The following RIC1 variants were observed in gnomAD, a reference collection of about 807,000 sequenced individuals.
RIC1 encodes the protein guanine nucleotide exchange factor subunit RIC1.
RIC1 carries 88 observed loss-of-function variants against 169.0 expected under a neutral mutation model. The observed-to-expected ratio is 0.52, with a 90% CI of 0.44 to 0.62. The LOEUF is 0.62. Among genes scored for constraint, RIC1 ranks in the 20% least tolerant of loss-of-function variants. The pLI is 0.00. For synonymous variants in RIC1, 790 were observed against 601.5 expected, an observed-to-expected ratio of 1.31 and a Z score of -4.59; for missense variants, 1,877 against 1,725.5, an observed-to-expected ratio of 1.09 and a Z score of -1.56.
intron 14 of RIC1, among the ~76,000 whole-genome samples, chr9:5,754,627 C>T (rs368870266): frequency 1.8e-4 from 28 of 152,134 alleles, no homozygotes; most frequent in African/African-American, 6.7e-4. Flanking sequence ...ACTTGGGAGG[C>T]GGCTGAGACA....
At chr9:5,721,454 A>G (rs1008054468) in intron 6 of RIC1, among the ~76,000 whole-genome samples, 2 of 152,180 alleles carry the variant, frequency 1.3e-5, no homozygotes, top group African/African-American at 4.8e-5. Context: ...ACGCGCGTGC[A>G]CACACACACG....
intron 13 of RIC1, 73 bp from the exon 14 acceptor site, chr9:5,753,463 A>C (rs1310672861): frequency 3.2e-6 from 3 of 944,130 alleles, no homozygotes; most frequent in Non-Finnish European, 4.9e-6. Context: ...TGCCTGACAC[A>C]ATACTAAGCT....
At chr9:5,667,504 C>CTTTT (rs1171999345) in intron 2 of RIC1, among the ~76,000 whole-genome samples, 2 of 131,196 alleles carry the variant, frequency 1.5e-5, no homozygotes, top group South Asian at 2.4e-4. Context: ...CCACCGCCAC[C>CTTTT]TTTTTTTTTT....
chr9:5,661,224 T>C (rs1366567995), intron 2 of RIC1, among the ~76,000 whole-genome samples: 2 of 152,206 alleles, frequency 1.3e-5, no homozygotes, highest in Admixed American at 6.6e-5. Context: ...CCATGCTGTT[T>C]TGGTTACTGT....
chr9:5,763,247 C>G lies in RIC1; in HGVS notation c.2220C>G (p.Ser740Arg), dbSNP rs1472038768. 1 of 1,614,036 alleles carries G rather than the reference C, an allele frequency of 6.2e-7. No homozygotes were observed. The highest frequency in any genetic ancestry group is 8.5e-7 in the Non-Finnish European group (1 of 1,180,026). ...KRHLLEALWL[S>R]CGGAGMKVWL... ...ACCTTCTGGAGGCCCTCTGGCTGAG[C>G]TGTGGTGGTGCAGGGATGAAAGTTT... The change falls in exon 19 of 26, where the codon AGC becomes AGG. Residue 740 changes from serine (S) to arginine (R), a missense_variant. This residue lies in a region of RIC1 where 1,104 missense variants were observed against 992.0 expected (regional missense o/e 1.11). Coordinates refer to ENST00000414202, the MANE Select transcript of RIC1 (RefSeq NM_020829.4). The surrounding 1 kb of genome is among the most constrained non-coding windows in gnomAD (Gnocchi z 5.2).
chr9:5,702,322 C>T (rs1423893620), intron 3 of RIC1, among the ~76,000 whole-genome samples: 2 of 152,026 alleles, frequency 1.3e-5, no homozygotes, highest in East Asian at 1.9e-4. Flanking sequence ...ACACCTAAGA[C>T]TGGGTAATTT....
intron 1 of RIC1, among the ~76,000 whole-genome samples, chr9:5,654,997 T>C (rs555083366): frequency 1.2e-4 from 18 of 152,324 alleles, no homozygotes; most frequent in Admixed American, 1.0e-3. Flanking sequence ...TCTGTCAAAT[T>C]TTCTACATAG....
chr9:5,698,431 C>A (rs758542283), intron 3 of RIC1, among the ~76,000 whole-genome samples: 1 of 152,022 alleles, frequency 6.6e-6, no homozygotes, highest in Non-Finnish European at 1.5e-5. Context: ...CCTTTAAGGG[C>A]CACTCATTAA....
chr9:5,725,052 C>G (rs1172366335), intron 6 of RIC1, among the ~76,000 whole-genome samples: 1 of 152,126 alleles, frequency 6.6e-6, no homozygotes, highest in Admixed American at 6.5e-5. Context: ...GCTTTGATAT[C>G]AGGATGATGC....
In RIC1 at chr9:5,772,647, A is replaced by T. The variant is rs772673823; in HGVS notation, c.3700A>T (p.Asn1234Tyr). 6.2e-7 allele frequency: 1 copy of T among 1,613,944 alleles called. No homozygotes were observed. Among genetic ancestry groups the T allele is most frequent in the Admixed American group, 1.7e-5 (1 of 60,000 alleles). ...TGGCGACTGGACAATGGTGGATGAA[A>T]ATTTCTCTACACTCAGTTTAACTCA... ...VDGDWTMVDE[N>Y]FSTLSLTQSE... Residue 1234 changes from asparagine (N) to tyrosine (Y), a missense_variant, in exon 24 of 26, where the codon AAT (asparagine) becomes TAT (tyrosine). Asn to Tyr is a moderately radical substitution (Grantham distance 143, BLOSUM62 -2). Transcript: ENST00000414202.
chr9:5,692,791 G>A (rs1228024775), intron 3 of RIC1, among the ~76,000 whole-genome samples: 1 of 152,026 alleles, frequency 6.6e-6, no homozygotes, highest in East Asian at 1.9e-4. Flanking sequence ...TTTGACAGTG[G>A]TATCTTCATT....
chr9:5,632,043 A>T (rs1817740141), intron 1 of RIC1, among the ~76,000 whole-genome samples: 1 of 152,214 alleles, frequency 6.6e-6, no homozygotes, highest in Non-Finnish European at 1.5e-5. Flanking sequence ...GTAGTTTTAT[A>T]ATAATATGTG....
intron 1 of RIC1, among the ~76,000 whole-genome samples, chr9:5,630,691 G>C (rs147083500): frequency 1.3e-5 from 2 of 152,192 alleles, no homozygotes; most frequent in Middle Eastern, 3.4e-3. Flanking sequence ...TTATAAAATC[G>C]TAATACCAAC....
chr9:5,727,173 C>T (rs928735990), intron 6 of RIC1, among the ~76,000 whole-genome samples: 46 of 152,302 alleles, frequency 3.0e-4, no homozygotes, highest in South Asian at 6.2e-4. Flanking sequence ...CCATTCTCCC[C>T]GTCACTTTCA....
chr9:5,696,381 G>C (rs1044468164), intron 3 of RIC1, among the ~76,000 whole-genome samples: 1 of 151,404 alleles, frequency 6.6e-6, no homozygotes, highest in South Asian at 2.1e-4. Context: ...TTTGTTATTT[G>C]CTCTATTCAG....
At chr9:5,646,192 A>G (rs1818501594) in intron 1 of RIC1, among the ~76,000 whole-genome samples, 1 of 152,026 alleles carries the variant, frequency 6.6e-6, no homozygotes, top group South Asian at 2.1e-4. Context: ...AGCATCTTTT[A>G]TGTACTTGTA....
At chr9:5,632,912 C>T (rs921321298) in intron 1 of RIC1, among the ~76,000 whole-genome samples, 2 of 152,134 alleles carry the variant, frequency 1.3e-5, no homozygotes, top group Admixed American at 1.3e-4. Flanking sequence ...TCTCGTTTTT[C>T]AGGTCACCGA....
At chr9:5,721,442 A>G (rs1823581657) in intron 6 of RIC1, among the ~76,000 whole-genome samples, 1 of 152,322 alleles carries the variant, frequency 6.6e-6, no homozygotes, top group South Asian at 2.1e-4. Context: ...ACCCCAGCAC[A>G]CACGCGCGTG....
chr9:5,770,884 T>G (rs749356172), intron 23 of RIC1, among the ~76,000 whole-genome samples: 1 of 152,190 alleles, frequency 6.6e-6, no homozygotes, highest in South Asian at 2.1e-4. Flanking sequence ...TGAAGAGGTT[T>G]TGAAGCAATT....
Sources: allele counts gnomAD v4.1 joint callset (sites outside exome capture counted in the v4.1 genomes callset), GRCh38; gene constraint gnomAD v4.1.1; regional missense constraint gnomAD v4.1.1; non-coding constraint Gnocchi (gnomAD v3.1); transcripts MANE v1.5; gene names NCBI Gene and HGNC (gene_info 2026-07-23, HGNC 2026-07-21).